SSUH2: variants seen among roughly 807,000 people sequenced by gnomAD.
The protein encoded by SSUH2 is protein SSUH2 homolog.
A neutral mutation model predicts 55.3 loss-of-function variants in SSUH2; 47 were observed. The observed-to-expected ratio is 0.85, with a 90% confidence interval of 0.67 to 1.08. The LOEUF is 1.08. SSUH2 is among the 50% of genes least tolerant of loss of function. The probability of loss-of-function intolerance (pLI) is 0.00; values close to 1 mark genes in which losing one functional copy is unlikely to be tolerated. For missense variants in SSUH2, 535 were observed against 490.7 expected, an observed-to-expected ratio of 1.09 and a Z score of -0.85; for synonymous variants, 212 against 191.5, an observed-to-expected ratio of 1.11 and a Z score of -0.89.
intron 6 of SSUH2, chr3:8,659,843 AAC>A (rs1187973983): frequency 1.3e-5 from 6 of 454,712 alleles, no homozygotes; most frequent in South Asian, 7.8e-5. Flanking sequence ...AGGCAATTAG[AAC>A]ACAGTCAATA....
At chr3:8,661,038 C>G (rs921844651) in intron 6 of SSUH2, among the ~76,000 whole-genome samples, 2 of 152,254 alleles carry the variant, frequency 1.3e-5, no homozygotes, top group South Asian at 2.1e-4. Context: ...ATGAAGCTGT[C>G]CAGCCCAGCT....
upstream of SSUH2, among the ~76,000 whole-genome samples, chr3:8,649,619 C>T (rs935883910): frequency 2.0e-5 from 3 of 152,116 alleles, no homozygotes; most frequent in South Asian, 2.1e-4. Flanking sequence ...TGCTTTCACT[C>T]CCCCTTTTCC....
At chr3:8,649,188 C>T (rs1051373598), upstream of SSUH2, among the ~76,000 whole-genome samples, 1 of 152,202 alleles carries the variant, frequency 6.6e-6, no homozygotes, top group African/African-American at 2.4e-5. Context: ...TTCCCACACA[C>T]AAAGGTCCTC....
chr3:8,674,859 T>G (rs1331392305), intron 3 of SSUH2, among the ~76,000 whole-genome samples: 1 of 142,444 alleles, frequency 7.0e-6, no homozygotes, highest in Non-Finnish European at 1.5e-5. Context: ...GGCCAAGCGG[T>G]GGCCAAGGGT....
At chr3:8,631,977 A>G (rs1165306589) in intron 5 of SSUH2, 72 bp downstream of exon 5, 1 of 1,251,758 alleles carries the variant, frequency 8.0e-7, no homozygotes, top group Non-Finnish European at 1.2e-6. Context: ...GCCTGAGCCA[A>G]GTCCTGATAT....
At chr3:8,669,131 T>C (rs1170258390) in intron 5 of SSUH2, among the ~76,000 whole-genome samples, 2 of 152,162 alleles carry the variant, frequency 1.3e-5, no homozygotes, top group Admixed American at 1.3e-4. Flanking sequence ...AACAACAAAA[T>C]AAAAAGCGGT....
At chr3:8,676,735 C>G (rs200869368) in intron 3 of SSUH2, among the ~76,000 whole-genome samples, 3 of 149,878 alleles carry the variant, frequency 2.0e-5, no homozygotes, top group African/African-American at 7.5e-5. Context: ...GCTGGAATTA[C>G]TATCATTCTC....
chr3:8,675,565 A>G (rs931284700), intron 3 of SSUH2, among the ~76,000 whole-genome samples: 1 of 148,526 alleles, frequency 6.7e-6, no homozygotes, highest in African/African-American at 2.5e-5. Flanking sequence ...GTGATTTACT[A>G]TCCCACAGGG....
At chr3:8,638,848 A>T (rs1248792686) in intron 1 of SSUH2, among the ~76,000 whole-genome samples, 2 of 152,190 alleles carry the variant, frequency 1.3e-5, no homozygotes, top group Admixed American at 1.3e-4. Flanking sequence ...CCACCCACCC[A>T]CAAGTCTTGG....
rs577768389 is a variant in SSUH2, at chr3:8,679,084, G to C, written c.-901+621C>G. Among the ~76,000 whole-genome samples, 3 of 107,440 alleles carry C rather than the reference G, an allele frequency of 2.8e-5. 1 individual carries two copies. The highest frequency in any genetic ancestry group is 9.0e-5 in the Admixed American group (1 of 11,100). The allele number at this position is 107,440 out of a possible 152,430, so 70.5% of individuals were successfully genotyped here. On this transcript the variant is annotated intron_variant, in intron 2 of 18. Transcript: ENST00000317371. ...GCACCCCCCGCGAGGCGGGGACTGA[G>C]AGCAAGCACCTCTTTCCCCCCTGGC...
At position 8,644,726 on chromosome 3, in the gene SSUH2, C is replaced by T; in HGVS notation, c.28+5G>A. 6.5e-7 allele frequency: 1 copy of T among 1,535,980 alleles called. No individual in the cohort carries two copies. On this transcript the variant is annotated splice_donor_5th_base_variant and intron_variant, in intron 1 of 11. Coordinates refer to ENST00000544814, the MANE Select transcript of SSUH2 (RefSeq NM_001256748.3). The stretch of plus-strand genomic sequence containing the variant: ...CTTCCGTGCCATCTTTGAGGCTCTA[C>T]TTACTGTCATCTTCATTCAGATCCC...
rs778575365 is a variant in SSUH2, at chr3:8,633,675, G to T, written c.330C>A (p.Thr110=). The T allele has an allele frequency of 1.3e-6, 2 of 1,524,342 alleles. No individual in the cohort carries two copies. Among genetic ancestry groups the T allele is most frequent in the Admixed American group, 2.1e-5 (1 of 47,284 alleles). 94.4% of individuals were successfully genotyped at this position (1,524,342 alleles called of 1,614,324 possible). Residue 110 remains threonine (T), a synonymous_variant, in exon 4 of 12, where the codon ACC becomes ACA. Transcript: ENST00000544814. The stretch of plus-strand genomic sequence containing the variant: ...GGCCCTGGCCTCTCACCCTGCAGAG[G>T]GTCTGCCGCTTCAGCTCCTGGATGA... The part of the protein sequence containing the change: ...DLVIQELKRQ[T]LCRYRLETFS...
chr3:8,620,701 C>T (rs1477006909), intron 11 of SSUH2, among the ~76,000 whole-genome samples: 1 of 152,198 alleles, frequency 6.6e-6, no homozygotes, highest in East Asian at 1.9e-4. Context: ...CCAAGTAGGA[C>T]AACTTCCAGA....
chr3:8,659,957 GAAACCATTCTTC>G (rs1703313746), intron 6 of SSUH2, among the ~76,000 whole-genome samples: 1 of 152,198 alleles, frequency 6.6e-6, no homozygotes. Context: ...GTGAAACTAG[GAAACCATTCTTC>G]AGACAGGCTC....
At chr3:8,648,948 C>G (rs1484269517), upstream of SSUH2, among the ~76,000 whole-genome samples, 9 of 152,078 alleles carry the variant, frequency 5.9e-5, no homozygotes, top group Admixed American at 6.5e-5. Flanking sequence ...CCTCCCAGGT[C>G]CCCTCAGGAT....
intron 1 of SSUH2, among the ~76,000 whole-genome samples, chr3:8,642,791 C>A (rs1701073237): frequency 6.6e-6 from 1 of 152,174 alleles, no homozygotes; most frequent in Admixed American, 6.5e-5. Flanking sequence ...TAAACAGGCA[C>A]ATTTAAATTA....
rs367949515 is a variant in SSUH2 at position 8,623,527 on chromosome 3, T to C, written c.981+22A>G. The C allele has an allele frequency of 2.2e-5, 32 of 1,428,920 alleles. No homozygotes were observed. The African/African-American group carries it at 4.5e-4, about 20-fold the overall frequency. The allele number at this position is 1,428,920 out of a possible 1,614,324, so 88.5% of individuals were successfully genotyped here. A position where few individuals can be genotyped will look rare whatever the true frequency, so the allele number is the denominator to read the frequency against. ...CCCAGGAAGAGACGTCAGAGCCAGA[T>C]GGCCCCTCCGCCCTGGCTCACCTGC... On this transcript the variant is annotated intron_variant, in intron 11 of 11. Transcript: ENST00000544814.
At chr3:8,665,460 C>T (rs1227268606) in intron 5 of SSUH2, among the ~76,000 whole-genome samples, 2 of 151,980 alleles carry the variant, frequency 1.3e-5, no homozygotes, top group African/African-American at 4.8e-5. Flanking sequence ...TGTTTGGACC[C>T]GAAACTCAAA....
At chr3:8,642,973 C>A (rs745906696) in intron 1 of SSUH2, among the ~76,000 whole-genome samples, 7 of 152,146 alleles carry the variant, frequency 4.6e-5, no homozygotes, top group Non-Finnish European at 1.0e-4. Flanking sequence ...TCAGGACAAC[C>A]CTATGAAAGA....
Sources: allele counts gnomAD v4.1 joint callset (sites outside exome capture counted in the v4.1 genomes callset), GRCh38; gene constraint gnomAD v4.1.1; transcripts MANE v1.5; gene names NCBI Gene and HGNC (gene_info 2026-07-23, HGNC 2026-07-21).